Variants in GDPD4 observed in about 807,000 individuals in gnomAD.
GDPD4 encodes glycerophosphodiester phosphodiesterase domain containing 4.
Under a neutral mutation model 67.8 loss-of-function variants are expected in GDPD4, and 60 were observed. The observed-to-expected ratio is 0.88, with a 90% CI of 0.72 to 1.10. GDPD4 has a LOEUF of 1.10. Ranked by LOEUF, GDPD4 falls within the 50% of genes least tolerant of loss-of-function variation. The probability of loss-of-function intolerance (pLI) is 0.00; values close to 1 mark genes in which losing one functional copy is unlikely to be tolerated. For synonymous variants in GDPD4, 212 were observed against 210.9 expected (o/e 1.00, Z -0.04); for missense variants, 623 against 613.9 (o/e 1.01, Z -0.16).
At chr11:77,244,675 T>C (rs1958746148) in intron 12 of GDPD4, among the ~76,000 whole-genome samples, 1 of 152,056 alleles carries the variant, frequency 6.6e-6, no homozygotes, top group South Asian at 2.1e-4. Context: ...CCTGCTTCTA[T>C]TTTATTTAAA....
chr11:77,218,895 G>A (rs942949187), intron 16 of GDPD4, among the ~76,000 whole-genome samples: 11 of 152,190 alleles, frequency 7.2e-5, no homozygotes, highest in African/African-American at 2.6e-4. Flanking sequence ...TAATCCTTTG[G>A]GTATATACCC....
intron 15 of GDPD4, 24 bp from the exon 16 acceptor site, chr11:77,227,940 G>C: frequency 3.9e-6 from 6 of 1,529,572 alleles, no homozygotes; most frequent in Non-Finnish European, 5.4e-6. Flanking sequence ...GACCATCCAT[G>C]AAATGAAGGG....
At chr11:77,291,246 T>C (rs1251049585) in intron 1 of GDPD4, among the ~76,000 whole-genome samples, 1 of 152,202 alleles carries the variant, frequency 6.6e-6, no homozygotes, top group Non-Finnish European at 1.5e-5. Flanking sequence ...GTGGTCATTA[T>C]GTTCAGTGAA....
At chr11:77,299,028 G>A (rs1411180630) in intron 1 of GDPD4, among the ~76,000 whole-genome samples, 1 of 152,046 alleles carries the variant, frequency 6.6e-6, no homozygotes, top group Admixed American at 6.6e-5. Context: ...CAGGAATTTG[G>A]ACAAGATAAA....
At chr11:77,240,706 A>G (rs555893773) in intron 13 of GDPD4, among the ~76,000 whole-genome samples, 1 of 152,180 alleles carries the variant, frequency 6.6e-6, no homozygotes, top group Non-Finnish European at 1.5e-5. Flanking sequence ...AACCTATGAA[A>G]TGGGAGAAAA....
At chr11:77,228,448 C>T (rs551854927) in intron 15 of GDPD4, among the ~76,000 whole-genome samples, 3 of 131,844 alleles carry the variant, frequency 2.3e-5, no homozygotes, top group African/African-American at 5.8e-5. Flanking sequence ...TGCAGTGAGC[C>T]GAGATCGTGA....
intron 16 of GDPD4, among the ~76,000 whole-genome samples, chr11:77,223,908 C>A (rs1287574604): frequency 1.3e-5 from 2 of 152,206 alleles, no homozygotes; most frequent in Non-Finnish European, 2.9e-5. Flanking sequence ...ATGGCAGACA[C>A]CCCTCCCCTA....
At chr11:77,285,453 T>G (rs1901821) in intron 2 of GDPD4, among the ~76,000 whole-genome samples, 65,323 of 152,098 alleles carry the variant, frequency 0.43, 14,670 homozygotes, top group East Asian at 0.7. Flanking sequence ...GTCTCTGTAT[T>G]ACCAATACAT....
intron 16 of GDPD4, among the ~76,000 whole-genome samples, chr11:77,218,096 ATT>A (rs35719470): frequency 4.9e-4 from 72 of 147,520 alleles, no homozygotes; most frequent in African/African-American, 1.5e-3. Flanking sequence ...ATGAGCTTCC[ATT>A]TTTTTTTTTG....
chr11:77,296,250 C>CAAAAAA (rs200238027), intron 1 of GDPD4, among the ~76,000 whole-genome samples: 1 of 103,464 alleles, frequency 9.7e-6, no homozygotes, highest in Non-Finnish European at 1.9e-5. Flanking sequence ...GACTTCGTCT[C>CAAAAAA]AAAAAAAAAA....
chr11:77,221,966 C>G (rs1390415094), intron 16 of GDPD4, among the ~76,000 whole-genome samples: 1 of 152,092 alleles, frequency 6.6e-6, no homozygotes, highest in East Asian at 1.9e-4. Context: ...TTGAATTGAT[C>G]CCTTTACCAT....
At chr11:77,233,446 G>GGA (rs34738067) in intron 13 of GDPD4, among the ~76,000 whole-genome samples, 5 of 100,408 alleles carry the variant, frequency 5.0e-5, no homozygotes, top group East Asian at 2.9e-4. Flanking sequence ...AAAACATATT[G>GGA]AAAAAAAAAA....
chr11:77,278,291 G>T (rs1959586462), intron 4 of GDPD4, among the ~76,000 whole-genome samples: 1 of 152,096 alleles, frequency 6.6e-6, no homozygotes, highest in Non-Finnish European at 1.5e-5. Flanking sequence ...CATACTAACA[G>T]AACTGACCGT....
chr11:77,260,248 G>C (rs184652546), intron 10 of GDPD4, among the ~76,000 whole-genome samples: 46 of 147,740 alleles, frequency 3.1e-4, no homozygotes, highest in Admixed American at 2.6e-3. Flanking sequence ...GGAGGTTGCA[G>C]TTAGACAAAA....
At chr11:77,244,410 T>A (rs1191401596) in intron 12 of GDPD4, among the ~76,000 whole-genome samples, 1 of 152,150 alleles carries the variant, frequency 6.6e-6, no homozygotes, top group Non-Finnish European at 1.5e-5. Flanking sequence ...TCTCATGACC[T>A]CTCCATTTAC....
At chr11:77,223,068 C>T (rs1958258645) in intron 16 of GDPD4, among the ~76,000 whole-genome samples, 1 of 152,158 alleles carries the variant, frequency 6.6e-6, no homozygotes, top group African/African-American at 2.4e-5. Flanking sequence ...TTTTCAGCTC[C>T]ATCAGGTCAT....
At chr11:77,227,826 G>A (rs1484822179) in intron 16 of GDPD4, 38 bp downstream of exon 16, 2 of 1,494,556 alleles carry the variant, frequency 1.3e-6, no homozygotes, top group Admixed American at 1.7e-5. Context: ...AATGGGTAGG[G>A]ATGAAGAGAC....
chr11:77,226,636 C>A (rs1591527961), intron 16 of GDPD4, among the ~76,000 whole-genome samples: 1 of 152,202 alleles, frequency 6.6e-6, no homozygotes, highest in South Asian at 2.1e-4. Flanking sequence ...GTTATGGCAG[C>A]CCTAGCTTAC....
intron 14 of GDPD4, among the ~76,000 whole-genome samples, chr11:77,232,765 A>G (rs141395614): frequency 3.9e-5 from 6 of 152,352 alleles, no homozygotes; most frequent in African/African-American, 1.4e-4. Context: ...ACAGTGGCCA[A>G]TTCAAAGGGT....
Sources: gnomAD v4.1 joint callset for allele counts (sites outside exome capture counted in the v4.1 genomes callset) on GRCh38, gnomAD v4.1.1 for gene constraint, MANE v1.5 for transcripts, NCBI Gene and HGNC (gene_info 2026-07-23, HGNC 2026-07-21) for gene names.